Variants in CSMD3 observed in about 807,000 individuals in gnomAD.
The protein encoded by CSMD3 is CUB and sushi domain-containing protein 3.
CSMD3 carries 177 observed loss-of-function variants against 435.2 expected under a neutral mutation model. That is an observed-to-expected ratio of 0.41 (90% CI 0.36 to 0.46). CSMD3 has a LOEUF of 0.46. Ranked by LOEUF, CSMD3 falls within the 20% of genes least tolerant of loss-of-function variation. The pLI is 0.34. For missense variants in CSMD3, 4,265 were observed against 4,504.6 expected, an observed-to-expected ratio of 0.95 and a Z score of 1.52; for synonymous variants, 1,656 against 1,520.5, an observed-to-expected ratio of 1.09 and a Z score of -2.07.
intron 2 of CSMD3, among the ~76,000 whole-genome samples, chr8:113,302,767 A>C (rs937243225): frequency 2.8e-5 from 4 of 144,550 alleles, no homozygotes; most frequent in Admixed American, 1.4e-4. Context: ...ATTTCAAAAT[A>C]ATAAGAGCTA....
intron 27 of CSMD3, among the ~76,000 whole-genome samples, chr8:112,520,763 A>T (rs530259085): frequency 6.6e-6 from 1 of 152,112 alleles, no homozygotes; most frequent in South Asian, 2.1e-4. Context: ...ATAACATTTT[A>T]AAGTAACTAC....
chr8:113,206,958 T>C (rs1489861482), intron 3 of CSMD3, among the ~76,000 whole-genome samples: 2 of 152,136 alleles, frequency 1.3e-5, no homozygotes, highest in Non-Finnish European at 2.9e-5. Flanking sequence ...TTTAAACCAG[T>C]GTTTCTCAAG....
intron 32 of CSMD3, among the ~76,000 whole-genome samples, chr8:112,431,937 T>A (rs528919451): frequency 6.6e-6 from 1 of 152,298 alleles, no homozygotes; most frequent in African/African-American, 2.4e-5. Flanking sequence ...CTCTCCTCTC[T>A]CTTGGAGAAT....
chr8:112,291,744 T>G, intron 55 of CSMD3, 49 bp from the exon 56 acceptor site: 1 of 1,164,686 alleles, frequency 8.6e-7, no homozygotes, highest in South Asian at 1.3e-5. Context: ...AATATACATA[T>G]ACCTATATAG....
At position 112,295,936 on chromosome 8, in the gene CSMD3, G is replaced by A; in HGVS notation, c.8511C>T (p.Asp2837=). The change falls in exon 54 of 71, where the codon GAC becomes GAT. Residue 2837 remains aspartate (D), a synonymous_variant. Transcript: ENST00000297405. ...QVIGENYGYR[D]TVVYQCNPGF... is the part of the protein sequence containing the mutation. ...CAGGATTACATTGATATACAACTGT[G>A]TCTCTATATCCATAATTTTCTCCAA... 5 of 1,612,156 alleles carry A rather than the reference G, an allele frequency of 3.1e-6. No homozygotes were observed. The highest frequency in any genetic ancestry group is 4.2e-6 in the Non-Finnish European group (5 of 1,178,366).
rs73338154 is a variant in CSMD3 at position 112,726,570 on chromosome 8, T to C, written c.1973-36520A>G. Among the ~76,000 whole-genome samples the C allele has an allele frequency of 5.3e-3, 810 of 151,968 alleles. 2 individuals are homozygous for C. The highest frequency in any genetic ancestry group is 0.018 in the African/African-American group (761 of 41,520). The stretch of plus-strand genomic sequence containing the variant: ...CTAAACCTAGTATTAAGCAGAGTGT[T>C]AGGTGCATAGTATACTCAGACCAGT... On this transcript the variant is annotated intron_variant, in intron 13 of 70. Coordinates refer to ENST00000297405, the MANE Select transcript of CSMD3 (RefSeq NM_198123.2).
At chr8:113,242,727 G>GTA (rs1299863288) in intron 3 of CSMD3, among the ~76,000 whole-genome samples, 1 of 151,918 alleles carries the variant, frequency 6.6e-6, no homozygotes, top group Non-Finnish European at 1.5e-5. Flanking sequence ...ATGTTAACAT[G>GTA]TATATGTTTT....
intron 10 of CSMD3, among the ~76,000 whole-genome samples, chr8:112,890,684 T>TTATGCGACTTTCACTAA (rs1328201290): frequency 6.6e-5 from 10 of 151,834 alleles, no homozygotes; most frequent in African/African-American, 2.4e-5. Context: ...CTATTCACTA[T>TTATGCGACTTTCACTAA]TATGCGACTT....
chr8:113,383,672 C>T (rs1282401534), intron 1 of CSMD3, among the ~76,000 whole-genome samples: 83 of 152,090 alleles, frequency 5.5e-4, no homozygotes, highest in Non-Finnish European at 1.0e-4. Context: ...TTAGGGTTTT[C>T]AGAAAATTGG....
chr8:113,022,436 A>G (rs896718292), intron 5 of CSMD3, among the ~76,000 whole-genome samples: 18 of 152,172 alleles, frequency 1.2e-4, no homozygotes, highest in Admixed American at 3.3e-4. Context: ...TAAGCAAGAG[A>G]AAAATCATGG....
At chr8:112,683,857 ATATT>A (rs1363182771) in intron 15 of CSMD3, among the ~76,000 whole-genome samples, 18 of 151,800 alleles carry the variant, frequency 1.2e-4, no homozygotes, top group Admixed American at 1.1e-3. Flanking sequence ...GTGCAAAAGA[ATATT>A]AAGGTACGTT....
intron 4 of CSMD3, among the ~76,000 whole-genome samples, chr8:113,108,837 A>C (rs1277318421): frequency 2.0e-5 from 3 of 152,242 alleles, no homozygotes; most frequent in African/African-American, 4.8e-5. Context: ...CAAAAGACCT[A>C]TGTAAACAAA....
At chr8:113,292,633 G>C (rs2093693991) in intron 2 of CSMD3, among the ~76,000 whole-genome samples, 2 of 151,970 alleles carry the variant, frequency 1.3e-5, no homozygotes, top group Non-Finnish European at 2.9e-5. Flanking sequence ...AAATATGCTT[G>C]TGAATGAGAC....
chr8:112,295,920 A>G lies in CSMD3; in HGVS notation c.8527T>C (p.Cys2843Arg), dbSNP rs2130715265. The G allele has an allele frequency of 1.2e-6, 2 of 1,613,848 alleles. No individual in the cohort carries two copies. The highest frequency in any genetic ancestry group is 1.7e-6 in the Non-Finnish European group (2 of 1,179,808). The change falls in exon 54 of 71, where the codon TGT becomes CGT. Residue 2843 changes from cysteine (C) to arginine (R), a missense_variant. Physicochemically the swap from Cys to Arg is radical, Grantham distance 180. Coordinates refer to ENST00000297405, the MANE Select transcript of CSMD3 (RefSeq NM_198123.2). Reference sequence around the variant, plus strand: ...CCAATCAATCGAAAACCAGGATTACATTGATATACAACTGTGTCTCTATAT... The same window carrying G: ...CCAATCAATCGAAAACCAGGATTACGTTGATATACAACTGTGTCTCTATAT... ...YGYRDTVVYQ[C>R]NPGFRLIGSS...
intron 4 of CSMD3, among the ~76,000 whole-genome samples, chr8:113,119,997 C>T (rs1218415093): frequency 6.6e-6 from 1 of 151,836 alleles, no homozygotes; most frequent in African/African-American, 2.4e-5. Flanking sequence ...TATTCATACT[C>T]ATTACACAAA....
intron 27 of CSMD3, among the ~76,000 whole-genome samples, chr8:112,528,358 T>C (rs1825192747): frequency 6.6e-6 from 1 of 151,572 alleles, no homozygotes; most frequent in African/African-American, 2.4e-5. Context: ...AGGTCTAAAG[T>C]CCCAACATAT....
chr8:113,245,862 T>C (rs1162503339), intron 3 of CSMD3, among the ~76,000 whole-genome samples: 2 of 152,026 alleles, frequency 1.3e-5, no homozygotes, highest in Non-Finnish European at 2.9e-5. Context: ...AATGTATTAA[T>C]TTATTCTTTA....
intron 5 of CSMD3, among the ~76,000 whole-genome samples, chr8:113,066,925 G>T (rs969508493): frequency 6.6e-6 from 1 of 152,040 alleles, no homozygotes; most frequent in Non-Finnish European, 1.5e-5. Context: ...GGGTGGGAAT[G>T]ATGCCATTTT....
At chr8:113,018,016 T>C (rs1437407059) in intron 6 of CSMD3, among the ~76,000 whole-genome samples, 2 of 152,050 alleles carry the variant, frequency 1.3e-5, no homozygotes, top group Non-Finnish European at 2.9e-5. Flanking sequence ...TTAACTACTT[T>C]AGAAATGATC....
Sources: allele counts gnomAD v4.1 joint callset (sites outside exome capture counted in the v4.1 genomes callset), GRCh38; gene constraint gnomAD v4.1.1; transcripts MANE v1.5; gene names NCBI Gene and HGNC (gene_info 2026-07-23, HGNC 2026-07-21).